The following MTUS2 variants were observed in gnomAD, a reference collection of about 807,000 sequenced individuals.
MTUS2 encodes the protein microtubule-associated tumor suppressor candidate 2.
In MTUS2, 40 loss-of-function variants were observed where a neutral mutation model predicts 114.1. That is an observed-to-expected ratio of 0.35 (90% confidence interval 0.27 to 0.46). The LOEUF (loss-of-function observed/expected upper bound fraction) is 0.46, where lower values mean the gene tolerates loss of function less well. Among genes scored for constraint, MTUS2 ranks in the 20% least tolerant of loss-of-function variants. MTUS2 has a pLI of 1.00. For missense variants in MTUS2, 1,679 were observed against 1,705.4 expected, an observed-to-expected ratio of 0.98 and a Z score of 0.27; for synonymous variants, 688 against 672.0, an observed-to-expected ratio of 1.02 and a Z score of -0.37.
intron 6 of MTUS2, among the ~76,000 whole-genome samples, chr13:29,283,747 A>G (rs1195037512): frequency 1.3e-5 from 2 of 152,194 alleles, no homozygotes; most frequent in Non-Finnish European, 2.9e-5. Flanking sequence ...CTTGTAGAAA[A>G]ATGGGTTAGG....
intron 2 of MTUS2, among the ~76,000 whole-genome samples, chr13:28,912,861 A>ATT (rs200807085): frequency 1.1e-3 from 162 of 152,076 alleles, no homozygotes; most frequent in South Asian, 7.5e-3. Context: ...ATTTTTGCAC[A>ATT]TTTTTAAAAA....
chr13:29,291,934 C>A (rs1898734813), intron 6 of MTUS2, among the ~76,000 whole-genome samples: 1 of 152,170 alleles, frequency 6.6e-6, no homozygotes, highest in Admixed American at 6.5e-5. Flanking sequence ...ATCATTTCTG[C>A]TAAAAGGTAA....
chr13:29,254,764 C>T (rs1041020048), intron 5 of MTUS2, among the ~76,000 whole-genome samples: 2 of 152,200 alleles, frequency 1.3e-5, no homozygotes, highest in Non-Finnish European at 2.9e-5. Context: ...TTCACAGAAA[C>T]AGGAAAACAC....
chr13:29,032,476 G>A (rs7992303), intron 3 of MTUS2, among the ~76,000 whole-genome samples: 68,078 of 151,938 alleles, frequency 0.45, 16,142 homozygotes, highest in South Asian at 0.72. Flanking sequence ...AATTAAAAAA[G>A]GGTATATATG....
chr13:28,880,560 G>A (rs1248514027), intron 2 of MTUS2, among the ~76,000 whole-genome samples: 1 of 152,166 alleles, frequency 6.6e-6, no homozygotes, highest in African/African-American at 2.4e-5. Context: ...GAAGATCAAT[G>A]TACTTAGAAA....
At chr13:29,203,926 G>C (rs1468555852) in intron 5 of MTUS2, among the ~76,000 whole-genome samples, 1 of 151,788 alleles carries the variant, frequency 6.6e-6, no homozygotes, top group Non-Finnish European at 1.5e-5. Flanking sequence ...CCCACCCTCT[G>C]CATTGATCTT....
chr13:29,471,720 CAG>C (rs1880312923), intron 9 of MTUS2, among the ~76,000 whole-genome samples: 1 of 150,384 alleles, frequency 6.6e-6, no homozygotes, highest in African/African-American at 2.5e-5. Context: ...GCTTATGCTC[CAG>C]CCTCTGCTCT....
intron 5 of MTUS2, 49 bp downstream of exon 5, chr13:29,101,019 C>A: frequency 6.8e-7 from 1 of 1,474,050 alleles, no homozygotes; most frequent in South Asian, 1.3e-5. Flanking sequence ...TTAAAACCGG[C>A]GCGCCTGTGT....
At chr13:29,271,172 G>T (rs976063328) in intron 5 of MTUS2, among the ~76,000 whole-genome samples, 1 of 152,040 alleles carries the variant, frequency 6.6e-6, no homozygotes, top group Non-Finnish European at 1.5e-5. Flanking sequence ...CCTAGTAAAG[G>T]ATTCCTCTTC....
chr13:28,935,518 T>G (rs151141480), intron 2 of MTUS2, among the ~76,000 whole-genome samples: 213 of 152,156 alleles, frequency 1.4e-3, no homozygotes, highest in African/African-American at 4.4e-3. Flanking sequence ...CTGGAACACA[T>G]TTATAGTTCC....
At chr13:29,226,002 G>A (rs937131669) in intron 5 of MTUS2, among the ~76,000 whole-genome samples, 5 of 152,028 alleles carry the variant, frequency 3.3e-5, no homozygotes, top group Non-Finnish European at 5.9e-5. Context: ...TTAGAATTAG[G>A]GTTGTATCTC....
In MTUS2 at chr13:28,820,445, G is replaced by A. The variant is rs926473945; in HGVS notation, c.-482G>A. On this transcript the variant is annotated 5_prime_UTR_variant, in exon 1 of 16. Coordinates refer to ENST00000612955, the MANE Select transcript of MTUS2 (RefSeq NM_001033602.4). Reference sequence around the variant, plus strand: ...GGCAAGTTTATCTCCCCCCTTCTGCGGAAACCCTTGACCGCTTAGCGGAGT... The same window carrying A: ...GGCAAGTTTATCTCCCCCCTTCTGCAGAAACCCTTGACCGCTTAGCGGAGT... 2.0e-5 allele frequency: 3 copies of A among 152,140 alleles called. No individual in the cohort carries two copies. Among genetic ancestry groups the A allele is most frequent in the African/African-American group, 7.2e-5 (3 of 41,432 alleles). 9.4% of individuals were successfully genotyped at this position (152,140 alleles called of 1,614,324 possible). A position where few individuals can be genotyped will look rare whatever the true frequency, so the allele number is the denominator to read the frequency against.
intron 11 of MTUS2, among the ~76,000 whole-genome samples, chr13:29,488,407 G>T (rs983591199): frequency 1.3e-5 from 2 of 151,284 alleles, no homozygotes; most frequent in Admixed American, 6.6e-5. Context: ...TCTAAAGCAG[G>T]CATGGAAATC....
intron 2 of MTUS2, among the ~76,000 whole-genome samples, chr13:28,894,334 GAGA>G (rs1879132901): frequency 1.2e-5 from 1 of 81,906 alleles, no homozygotes; most frequent in Non-Finnish European, 2.4e-5. Flanking sequence ...GGGAGGGAGA[GAGA>G]GAGAGAGAGA....
At chr13:29,173,681 A>T (rs570343556) in intron 5 of MTUS2, among the ~76,000 whole-genome samples, 6 of 152,134 alleles carry the variant, frequency 3.9e-5, no homozygotes, top group Non-Finnish European at 7.4e-5. Context: ...GGCTAAGATG[A>T]TGAATTATTT....
intron 2 of MTUS2, among the ~76,000 whole-genome samples, chr13:28,962,432 G>T (rs964631232): frequency 6.6e-6 from 1 of 151,928 alleles, no homozygotes; most frequent in African/African-American, 2.4e-5. Flanking sequence ...TGGTATATTG[G>T]CTGTATTCTC....
chr13:28,827,790 A>G (rs1340741716), intron 1 of MTUS2, among the ~76,000 whole-genome samples: 1 of 152,178 alleles, frequency 6.6e-6, no homozygotes, highest in Non-Finnish European at 1.5e-5. Flanking sequence ...GTGATTTTCA[A>G]AAGGGGAGGG....
intron 9 of MTUS2, among the ~76,000 whole-genome samples, chr13:29,474,700 G>A (rs1040087307): frequency 6.6e-6 from 1 of 152,018 alleles, no homozygotes; most frequent in African/African-American, 2.4e-5. Context: ...ATTGGCACAG[G>A]ATTCAACCTA....
At chr13:29,487,749 A>T in intron 10 of MTUS2, 151 bp from the exon 11 acceptor site, 1 of 668,548 alleles carries the variant, frequency 1.5e-6, no homozygotes. Context: ...GAGGGCTGCC[A>T]CATCACCACC....
Sources: gnomAD v4.1 joint callset for allele counts (sites outside exome capture counted in the v4.1 genomes callset) on GRCh38, gnomAD v4.1.1 for gene constraint, MANE v1.5 for transcripts, NCBI Gene and HGNC (gene_info 2026-07-23, HGNC 2026-07-21) for gene names.